The following SPRR2B variants were observed in gnomAD, a reference collection of about 807,000 sequenced individuals.
SPRR2B encodes the protein small proline rich protein 2B, also known as small proline-rich protein 2B.
In SPRR2B, 1 loss-of-function variant was observed where a neutral mutation model predicts 1.0. The observed-to-expected ratio is 1.01, with a 90% CI of 0.36 to 4.77. The LOEUF is 4.77. Ranked by LOEUF, SPRR2B falls within the 30% of genes most tolerant of loss-of-function variation. The pLI is 0.16. For synonymous variants in SPRR2B, 27 were observed against 33.4 expected (o/e 0.81, Z 0.66); for missense variants, 53 against 88.7 (o/e 0.60, Z 1.62).
chr1:153,075,137 A>G (rs1253645824), upstream of SPRR2B, among the ~76,000 whole-genome samples: 1 of 152,120 alleles, frequency 6.6e-6, no homozygotes, highest in Non-Finnish European at 1.5e-5. Context: ...CGAGGTCAGG[A>G]GTTCAAGACC....
At chr1:153,079,370 T>C in the SPRR2B span, among the ~76,000 whole-genome samples, 1 of 152,206 alleles carries the variant, frequency 6.6e-6, no homozygotes. Context: ...TTAGTTTAAT[T>C]AGATACCATT....
the SPRR2B span, among the ~76,000 whole-genome samples, chr1:153,080,113 AGAAAACC>A: frequency 1.8e-5 from 1 of 55,592 alleles, no homozygotes; most frequent in Non-Finnish European, 5.0e-5. Flanking sequence ...TTATTCACCA[AGAAAACC>A]TAGAAAATAT....
Position 153,070,484 on chromosome 1 carries a change from G to A in SPRR2B, c.*137C>T, listed in dbSNP as rs1252635209. ...CCTTTTGCTATCAGGGAACATCATG[G>A]GCAGATCACAGGCTAAGGGGAAAGA... On this transcript the variant is annotated 3_prime_UTR_variant, in exon 2 of 2. Transcript: ENST00000368755. The A allele has an allele frequency of 6.9e-7, 1 of 1,452,878 alleles. No homozygotes were observed. 90.0% of individuals were successfully genotyped at this position (1,452,878 alleles called of 1,614,324 possible). A position where few individuals can be genotyped will look rare whatever the true frequency, so the allele number is the denominator to read the frequency against.
upstream of SPRR2B, among the ~76,000 whole-genome samples, chr1:153,076,599 TTAAA>T (rs1284207177): frequency 2.0e-5 from 3 of 152,112 alleles, no homozygotes; most frequent in East Asian, 1.9e-4. Flanking sequence ...TTGAGAAAGG[TTAAA>T]TAAAGTATAA....
chr1:153,084,764 G>A, the SPRR2B span, among the ~76,000 whole-genome samples: 2,162 of 152,200 alleles, frequency 0.014, 48 homozygotes, highest in African/African-American at 0.049. Flanking sequence ...AAACACTTTG[G>A]CTGACACCAC....
chr1:153,078,279 C>G, the SPRR2B span, among the ~76,000 whole-genome samples: 2 of 152,176 alleles, frequency 1.3e-5, no homozygotes, highest in Admixed American at 1.3e-4. Flanking sequence ...GCTACACTAA[C>G]ATCAGACATA....
upstream of SPRR2B, among the ~76,000 whole-genome samples, chr1:153,072,631 C>T (rs748121510): frequency 4.3e-4 from 66 of 152,286 alleles, 1 homozygote; most frequent in Middle Eastern, 3.4e-3. Context: ...TTCTCTACCT[C>T]TCTTTCCAAA....
At position 153,070,882 on chromosome 1, in the gene SPRR2B, T is replaced by G. The variant is rs1654650387; in HGVS notation, c.-19-24A>C. On this transcript the variant is annotated intron_variant, in intron 1 of 1. Transcript: ENST00000368755. ...ATCTGAAAGAAATGATACAACAGTG[T>G]TCGTGGGAAGGGAATCCTCCAGAGA... The G allele has an allele frequency of 4.9e-6, 6 of 1,229,818 alleles. No individual in the cohort carries two copies. The Admixed American group carries it at 1.1e-4, about 23-fold the overall frequency. The allele number at this position is 1,229,818 out of a possible 1,614,324, so 76.2% of individuals were successfully genotyped here. A position where few individuals can be genotyped will look rare whatever the true frequency, so the allele number is the denominator to read the frequency against.
upstream of SPRR2B, among the ~76,000 whole-genome samples, chr1:153,073,076 C>G (rs575797343): frequency 1.3e-5 from 2 of 152,196 alleles, no homozygotes. Flanking sequence ...GCTGAATCAA[C>G]CCAGCATCAC....
chr1:153,073,353 A>T (rs1338416411), upstream of SPRR2B, among the ~76,000 whole-genome samples: 2 of 152,152 alleles, frequency 1.3e-5, no homozygotes, highest in African/African-American at 2.4e-5. Context: ...CCTTACAGAA[A>T]TGTCTTTTTT....
At chr1:153,075,759 A>C (rs999662612), upstream of SPRR2B, among the ~76,000 whole-genome samples, 1 of 152,200 alleles carries the variant, frequency 6.6e-6, no homozygotes, top group African/African-American at 2.4e-5. Context: ...TTATATCACC[A>C]TTATCTTAAG....
At chr1:153,079,654 T>C in the SPRR2B span, among the ~76,000 whole-genome samples, 1 of 152,210 alleles carries the variant, frequency 6.6e-6, no homozygotes, top group Non-Finnish European at 1.5e-5. Context: ...TTGTCAGGTT[T>C]GTCAAAGATC....
the SPRR2B span, among the ~76,000 whole-genome samples, chr1:153,085,924 G>T: frequency 6.6e-6 from 1 of 152,156 alleles, no homozygotes; most frequent in Non-Finnish European, 1.5e-5. Flanking sequence ...TTCATATCTA[G>T]TCAAACTCAG....
chr1:153,077,168 C>G, the SPRR2B span, among the ~76,000 whole-genome samples: 1 of 152,112 alleles, frequency 6.6e-6, no homozygotes, highest in South Asian at 2.1e-4. Flanking sequence ...TCATCAGAAA[C>G]CTTGGAGATC....
At chr1:153,084,033 C>T in the SPRR2B span, among the ~76,000 whole-genome samples, 1 of 152,194 alleles carries the variant, frequency 6.6e-6, no homozygotes, top group African/African-American at 2.4e-5. Flanking sequence ...GGGTACCAGC[C>T]TGGATGCACT....
upstream of SPRR2B, among the ~76,000 whole-genome samples, chr1:153,072,182 CCT>C (rs1292213980): frequency 6.6e-6 from 1 of 152,164 alleles, no homozygotes; most frequent in Admixed American, 6.5e-5. Flanking sequence ...TTCTACTTCA[CCT>C]CTGTCTTTCT....
the SPRR2B span, among the ~76,000 whole-genome samples, chr1:153,076,621 GA>G: frequency 6.6e-6 from 1 of 151,994 alleles, no homozygotes; most frequent in African/African-American, 2.4e-5. Context: ...TAAACACTAA[GA>G]AAAAAATCAA....
the SPRR2B span, among the ~76,000 whole-genome samples, chr1:153,086,639 G>T: frequency 6.6e-6 from 1 of 152,138 alleles, no homozygotes; most frequent in African/African-American, 2.4e-5. Flanking sequence ...ATAGTCATAA[G>T]ATTCATCACA....
chr1:153,084,171 G>A, the SPRR2B span, among the ~76,000 whole-genome samples: 51 of 152,200 alleles, frequency 3.4e-4, 2 homozygotes, highest in South Asian at 8.9e-3. Context: ...CCATCTGCTC[G>A]CTCCACAAAC....
Sources: gnomAD v4.1 joint callset for allele counts (sites outside exome capture counted in the v4.1 genomes callset) on GRCh38, gnomAD v4.1.1 for gene constraint, MANE v1.5 for transcripts, NCBI Gene and HGNC (gene_info 2026-07-23, HGNC 2026-07-21) for gene names.